Variants in DOK5 observed in about 807,000 individuals in gnomAD.
DOK5 encodes docking protein 5.
DOK5 carries 27 observed loss-of-function variants against 43.3 expected under a neutral mutation model. The observed-to-expected ratio is 0.62, with a 90% CI of 0.46 to 0.86. DOK5 has a LOEUF of 0.86. DOK5 is among the 40% of genes least tolerant of loss of function. The pLI, the probability that DOK5 is intolerant of heterozygous loss-of-function variation, is 0.00. For missense variants in DOK5, 373 were observed against 392.9 expected (o/e 0.95, Z 0.43); for synonymous variants, 146 against 140.1 (o/e 1.04, Z -0.30).
chr20:54,636,008 G>T (rs1444625382), intron 6 of DOK5, among the ~76,000 whole-genome samples: 2 of 152,212 alleles, frequency 1.3e-5, no homozygotes, highest in African/African-American at 2.4e-5. Context: ...CCTTCCTGTT[G>T]TGTCATAACA....
At chr20:54,553,065 T>C (rs1984582209) in intron 1 of DOK5, among the ~76,000 whole-genome samples, 1 of 152,246 alleles carries the variant, frequency 6.6e-6, no homozygotes, top group African/African-American at 2.4e-5. Context: ...AGGTCAAATA[T>C]ACAAAACCAC....
At chr20:54,597,335 A>G (rs1020331066) in intron 5 of DOK5, among the ~76,000 whole-genome samples, 4 of 152,194 alleles carry the variant, frequency 2.6e-5, no homozygotes, top group African/African-American at 4.8e-5. Context: ...CATCTAGTGC[A>G]TAAAAGGGCC....
At chr20:54,630,420 G>A (rs1290060486) in intron 6 of DOK5, among the ~76,000 whole-genome samples, 1 of 152,144 alleles carries the variant, frequency 6.6e-6, no homozygotes, top group Non-Finnish European at 1.5e-5. Context: ...GGGGAGAGGA[G>A]TATGAGGAGC....
At chr20:54,551,924 T>G (rs914330465) in intron 1 of DOK5, among the ~76,000 whole-genome samples, 1 of 152,182 alleles carries the variant, frequency 6.6e-6, no homozygotes, top group Non-Finnish European at 1.5e-5. Flanking sequence ...ACCTCCTGGG[T>G]TGAAGCAATT....
At chr20:54,534,014 T>G (rs1038754645) in intron 1 of DOK5, among the ~76,000 whole-genome samples, 2 of 152,332 alleles carry the variant, frequency 1.3e-5, no homozygotes, top group Non-Finnish European at 1.5e-5. Flanking sequence ...TATTACTTTA[T>G]TGTCAGGAGT....
intron 2 of DOK5, among the ~76,000 whole-genome samples, chr20:54,566,877 G>A (rs534460521): frequency 1.3e-5 from 2 of 152,208 alleles, no homozygotes; most frequent in East Asian, 3.9e-4. Flanking sequence ...TCAGCCTCCC[G>A]AAGCACTGGG....
In DOK5 at chr20:54,588,503, G is replaced by A; in HGVS notation, c.195G>A (p.Val65=). 6.2e-7 allele frequency: 1 copy of A among 1,614,104 alleles called. No homozygotes were observed. The highest frequency in any genetic ancestry group is 8.5e-7 in the Non-Finnish European group (1 of 1,179,952). Residue 65 remains valine (V), a synonymous_variant, in exon 3 of 8, where the codon GTG becomes GTA. Transcript: ENST00000262593. ...TTCAGGTTACAGAACTCAATAATGT[G>A]AAGAACGTAGCTCGATTGCCAAAAA... ...CYHKVTELNN[V]KNVARLPKST...
At chr20:54,614,829 C>G (rs1486385680) in intron 6 of DOK5, among the ~76,000 whole-genome samples, 1 of 152,184 alleles carries the variant, frequency 6.6e-6, no homozygotes, top group Non-Finnish European at 1.5e-5. Flanking sequence ...AATCAATGTA[C>G]TTTAGTCAAT....
At chr20:54,537,472 A>C (rs1983995906) in intron 1 of DOK5, among the ~76,000 whole-genome samples, 1 of 152,198 alleles carries the variant, frequency 6.6e-6, no homozygotes, top group Admixed American at 6.5e-5. Context: ...AAGCATGAGG[A>C]AAAAAATTGA....
At chr20:54,566,413 C>A (rs1226295219) in intron 2 of DOK5, among the ~76,000 whole-genome samples, 2 of 152,164 alleles carry the variant, frequency 1.3e-5, no homozygotes, top group Non-Finnish European at 2.9e-5. Flanking sequence ...GTTGTCCCCC[C>A]TCCTCTCCAT....
intron 2 of DOK5, among the ~76,000 whole-genome samples, chr20:54,567,635 C>A (rs371991459): frequency 2.0e-5 from 3 of 152,126 alleles, no homozygotes; most frequent in African/African-American, 7.2e-5. Flanking sequence ...TCACTTTATT[C>A]TCTTTTTCAA....
intron 6 of DOK5, among the ~76,000 whole-genome samples, chr20:54,620,890 G>GAAATAAGAGCTTATTTGTAA (rs1986955738): frequency 6.6e-6 from 1 of 152,070 alleles, no homozygotes; most frequent in Non-Finnish European, 1.5e-5. Flanking sequence ...CCATTCTTGC[G>GAAATAAGAGCTTATTTGTAA]GAGCTTATTT....
intron 1 of DOK5, among the ~76,000 whole-genome samples, chr20:54,524,072 A>G (rs1983502148): frequency 6.6e-6 from 1 of 152,054 alleles, no homozygotes; most frequent in African/African-American, 2.4e-5. Flanking sequence ...TTCACCTCTC[A>G]CCCTACTCCA....
intron 2 of DOK5, among the ~76,000 whole-genome samples, chr20:54,574,443 A>T (rs916524814): frequency 1.3e-5 from 2 of 152,098 alleles, no homozygotes; most frequent in African/African-American, 2.4e-5. Flanking sequence ...ATAGCAGCTC[A>T]CCTATTGACA....
intron 6 of DOK5, 126 bp downstream of exon 6, chr20:54,610,649 G>T (rs948289262): frequency 6.3e-5 from 70 of 1,106,158 alleles, no homozygotes; most frequent in Non-Finnish European, 8.0e-5. Flanking sequence ...TCTCAACAGT[G>T]TATCACTTGG....
chr20:54,579,943 C>T (rs1413299836), intron 2 of DOK5, among the ~76,000 whole-genome samples: 1 of 152,066 alleles, frequency 6.6e-6, no homozygotes, highest in African/African-American at 2.4e-5. Context: ...CCTCCATCCC[C>T]CGACAGGCCC....
intron 1 of DOK5, among the ~76,000 whole-genome samples, chr20:54,524,056 A>G (rs1983501635): frequency 6.6e-6 from 1 of 151,346 alleles, no homozygotes; most frequent in Non-Finnish European, 1.5e-5. Context: ...ACAATGGTTC[A>G]CTCTGTTCAC....
chr20:54,547,470 T>C (rs1984387958), intron 1 of DOK5, among the ~76,000 whole-genome samples: 1 of 152,210 alleles, frequency 6.6e-6, no homozygotes. Flanking sequence ...ATAGTAAAAT[T>C]AGGAATTCTA....
Position 54,591,713 on chromosome 20 carries a change from C to G in DOK5, c.507C>G (p.Val169=). 6.2e-7 allele frequency: 1 copy of G among 1,614,208 alleles called. No individual in the cohort carries two copies. The highest frequency in any genetic ancestry group is 8.5e-7 in the Non-Finnish European group (1 of 1,180,018). The change falls in exon 5 of 8, where the codon GTC becomes GTG. Residue 169 remains valine (V), a synonymous_variant. Coordinates refer to ENST00000262593, the MANE Select transcript of DOK5 (RefSeq NM_018431.5). ...ITYEYICLWD[V]QNPRVKLISW... is the part of the protein sequence containing the mutation. ...ATGAGTATATCTGTCTTTGGGACGT[C>G]CAGAATCCCAGAGTCAAACTCATCT... is the stretch of plus-strand genomic sequence containing the variant.
Sources: allele counts gnomAD v4.1 joint callset (sites outside exome capture counted in the v4.1 genomes callset), GRCh38; gene constraint gnomAD v4.1.1; transcripts MANE v1.5; gene names NCBI Gene and HGNC (gene_info 2026-07-23, HGNC 2026-07-21).